PTPRD: variants seen among roughly 807,000 people sequenced by gnomAD.
PTPRD encodes the protein protein tyrosine phosphatase receptor type D.
PTPRD carries 34 observed loss-of-function variants against 214.5 expected under a neutral mutation model. That is an observed-to-expected ratio of 0.16 (90% confidence interval 0.12 to 0.21). The LOEUF is 0.21. Among genes scored for constraint, PTPRD ranks in the 10% least tolerant of loss-of-function variants. The pLI, the probability that PTPRD is intolerant of heterozygous loss-of-function variation, is 1.00. For missense variants in PTPRD, 2,545 were observed against 2,398.7 expected (o/e 1.06, Z -1.27); for synonymous variants, 1,128 against 845.7 (o/e 1.33, Z -5.79).
At chr9:9,257,062 C>T (rs757345249) in intron 9 of PTPRD, among the ~76,000 whole-genome samples, 2 of 151,938 alleles carry the variant, frequency 1.3e-5, no homozygotes, top group Admixed American at 6.6e-5. Flanking sequence ...TGTGTAAAAC[C>T]TCCAATAAGA....
At chr9:10,080,601 A>AAT (rs2098220762) in intron 3 of PTPRD, among the ~76,000 whole-genome samples, 1 of 152,146 alleles carries the variant, frequency 6.6e-6, no homozygotes, top group Non-Finnish European at 1.5e-5. Context: ...TCTACATGCA[A>AAT]ATAACAGTAC....
At chr9:9,973,463 C>T (rs111604072) in intron 4 of PTPRD, among the ~76,000 whole-genome samples, 1,753 of 151,716 alleles carry the variant, frequency 0.012, 27 homozygotes, top group African/African-American at 0.038. Context: ...CAGAGTGAGA[C>T]CTTGTCTCAA....
chr9:9,603,032 T>C (rs1448181261), intron 7 of PTPRD, among the ~76,000 whole-genome samples: 1 of 152,130 alleles, frequency 6.6e-6, no homozygotes, highest in Non-Finnish European at 1.5e-5. Flanking sequence ...AAAAAAAGAC[T>C]AGTTCCCTTA....
chr9:10,106,933 G>C (rs1463684635), intron 3 of PTPRD, among the ~76,000 whole-genome samples: 1 of 151,814 alleles, frequency 6.6e-6, no homozygotes, highest in East Asian at 1.9e-4. Flanking sequence ...AATTTTAGTA[G>C]GGAGGTTGGC....
chr9:10,118,967 G>C (rs1326611944), intron 3 of PTPRD, among the ~76,000 whole-genome samples: 1 of 151,704 alleles, frequency 6.6e-6, no homozygotes, highest in Non-Finnish European at 1.5e-5. Context: ...AAAAACAGCA[G>C]CTGTCTTTAA....
chr9:10,331,719 G>A (rs1255709178), intron 3 of PTPRD, among the ~76,000 whole-genome samples: 1 of 151,690 alleles, frequency 6.6e-6, no homozygotes, highest in African/African-American at 2.4e-5. Flanking sequence ...GAAACAAACT[G>A]TTTGAAATTT....
intron 10 of PTPRD, among the ~76,000 whole-genome samples, chr9:9,139,369 C>T (rs536037644): frequency 6.6e-6 from 1 of 151,962 alleles, no homozygotes; most frequent in South Asian, 2.1e-4. Flanking sequence ...AGTTATAGTC[C>T]CAGTTTTCAA....
intron 2 of PTPRD, among the ~76,000 whole-genome samples, chr9:10,345,501 T>C (rs1238239809): frequency 6.7e-6 from 1 of 150,042 alleles, no homozygotes; most frequent in African/African-American, 2.5e-5. Context: ...CACTTATGAG[T>C]GAGAACATGC....
At chr9:9,617,543 A>G (rs968319167) in intron 7 of PTPRD, among the ~76,000 whole-genome samples, 1 of 152,182 alleles carries the variant, frequency 6.6e-6, no homozygotes, top group African/African-American at 2.4e-5. Flanking sequence ...ATGGCTGAGC[A>G]GGTATTTCGT....
intron 21 of PTPRD, among the ~76,000 whole-genome samples, chr9:8,512,238 A>G (rs2097697206): frequency 6.6e-6 from 1 of 152,136 alleles, no homozygotes; most frequent in South Asian, 2.1e-4. Flanking sequence ...AGCAAAATTC[A>G]AAACAAAGAG....
At chr9:10,057,798 T>C (rs1179306666) in intron 3 of PTPRD, among the ~76,000 whole-genome samples, 2 of 145,926 alleles carry the variant, frequency 1.4e-5, no homozygotes, top group Non-Finnish European at 3.0e-5. Context: ...GAGGAGATCA[T>C]ACAACTGCCC....
At chr9:8,817,686 T>C (rs187371908) in intron 11 of PTPRD, among the ~76,000 whole-genome samples, 14 of 152,294 alleles carry the variant, frequency 9.2e-5, no homozygotes, top group African/African-American at 3.4e-4. Context: ...CTTCTATCAA[T>C]TTCATAGAAT....
chr9:10,176,559 G>A (rs2099249824), intron 3 of PTPRD, among the ~76,000 whole-genome samples: 1 of 151,922 alleles, frequency 6.6e-6, no homozygotes, highest in African/African-American at 2.4e-5. Flanking sequence ...TACTTTGACA[G>A]TCACATAGTA....
chr9:10,010,240 G>A (rs2154104651), intron 4 of PTPRD, among the ~76,000 whole-genome samples: 1 of 151,898 alleles, frequency 6.6e-6, no homozygotes, highest in East Asian at 1.9e-4. Context: ...TGACCTCAGG[G>A]CAAAGAGACT....
In PTPRD at chr9:9,069,060, G is replaced by A. The variant is rs116390436; in HGVS notation, c.-142-50325C>T. Among the ~76,000 whole-genome samples the A allele has an allele frequency of 3.4e-3, 518 of 152,232 alleles. 4 individuals are homozygous for A. The highest frequency in any genetic ancestry group is 0.012 in the African/African-American group (498 of 41,544). On this transcript the variant is annotated intron_variant, in intron 10 of 45. Transcript: ENST00000381196. ...ACCCACTTAAGAAAAAACAAATTAAGAATATGCTTTTATTCAATAAGACTA... is the reference window on the plus strand; with the variant it reads ...ACCCACTTAAGAAAAAACAAATTAAAAATATGCTTTTATTCAATAAGACTA...
intron 12 of PTPRD, among the ~76,000 whole-genome samples, chr9:8,708,771 A>G (rs1565453351): frequency 6.6e-6 from 1 of 151,542 alleles, no homozygotes; most frequent in Non-Finnish European, 1.5e-5. Flanking sequence ...TGAAATAGGT[A>G]TGTCAAAGAG....
intron 11 of PTPRD, among the ~76,000 whole-genome samples, chr9:8,808,984 T>G (rs2096745594): frequency 6.6e-6 from 1 of 151,842 alleles, no homozygotes; most frequent in African/African-American, 2.4e-5. Flanking sequence ...AAAAAAAAAG[T>G]AGCCACTATT....
chr9:10,455,415 C>T (rs576019033), intron 2 of PTPRD, among the ~76,000 whole-genome samples: 12 of 151,788 alleles, frequency 7.9e-5, no homozygotes, highest in African/African-American at 2.4e-4. Flanking sequence ...TATGCAAAAA[C>T]GTCTAGCTCT....
intron 11 of PTPRD, among the ~76,000 whole-genome samples, chr9:8,837,640 G>A (rs2097461605): frequency 6.6e-6 from 1 of 151,952 alleles, no homozygotes. Flanking sequence ...GGTATTACAG[G>A]TGCATACCAC....
Sources: gnomAD v4.1 joint callset for allele counts (sites outside exome capture counted in the v4.1 genomes callset) on GRCh38, gnomAD v4.1.1 for gene constraint, MANE v1.5 for transcripts, NCBI Gene and HGNC (gene_info 2026-07-23, HGNC 2026-07-21) for gene names.